Variants in PMPCB observed in about 807,000 individuals in gnomAD.
The protein encoded by PMPCB is peptidase, mitochondrial processing subunit beta, also known as mitochondrial-processing peptidase subunit beta.
A neutral mutation model predicts 61.5 loss-of-function variants in PMPCB; 46 were observed. The observed-to-expected ratio is 0.75, with a 90% CI of 0.59 to 0.96. PMPCB has a LOEUF of 0.96. Ranked by LOEUF, PMPCB falls within the 40% of genes least tolerant of loss-of-function variation. The pLI is 0.00. For synonymous variants in PMPCB, 191 were observed against 201.6 expected, an observed-to-expected ratio of 0.95 and a Z score of 0.44; for missense variants, 590 against 602.4, an observed-to-expected ratio of 0.98 and a Z score of 0.22.
rs1309454279 is a variant in PMPCB at position 103,312,891 on chromosome 7, T to TATC, written c.*622_*624dup. ...CTTAATAGACATAAAATATGAGCTA[T>TATC]ATCACCCAAGCTACAATTTAAAATA... On this transcript the variant is annotated 3_prime_UTR_variant, in exon 13 of 13. Transcript: ENST00000249269. 3.5e-5 allele frequency: 55 copies of TATC among 1,571,568 alleles called. No homozygotes were observed. The highest frequency in any genetic ancestry group is 4.3e-5 in the Non-Finnish European group (50 of 1,164,486).
At chr7:103,327,495 A>G in intron 12 of PMPCB, 1 of 688,870 alleles carries the variant, frequency 1.5e-6, no homozygotes, top group South Asian at 1.7e-5. Context: ...TTGTGTCGTG[A>G]GGCTCTGGGG....
intron 8 of PMPCB, among the ~76,000 whole-genome samples, chr7:103,309,603 A>G (rs1817681785): frequency 6.6e-6 from 1 of 152,224 alleles, no homozygotes; most frequent in South Asian, 2.1e-4. Context: ...TGCAAATATT[A>G]CATATACCAT....
At chr7:103,297,999 G>A in intron 1 of PMPCB, 1 of 1,087,978 alleles carries the variant, frequency 9.2e-7, no homozygotes, top group Non-Finnish European at 1.2e-6. Context: ...GAGAGCCTCT[G>A]ACTTTAAGCA....
chr7:103,343,903 C>T, the PMPCB span, among the ~76,000 whole-genome samples: 1 of 152,152 alleles, frequency 6.6e-6, no homozygotes, highest in Non-Finnish European at 1.5e-5. Flanking sequence ...TCAACAAGCG[C>T]CTATGTGACT....
At chr7:103,326,179 T>C (rs985051604) in intron 12 of PMPCB, among the ~76,000 whole-genome samples, 8 of 152,122 alleles carry the variant, frequency 5.3e-5, no homozygotes, top group East Asian at 1.9e-4. Context: ...GGTTTCACCA[T>C]GTTGGCCAGG....
intron 12 of PMPCB, among the ~76,000 whole-genome samples, chr7:103,323,911 G>C (rs1432275964): frequency 6.6e-6 from 1 of 152,176 alleles, no homozygotes; most frequent in Non-Finnish European, 1.5e-5. Flanking sequence ...GCTTGACCAA[G>C]ACCTATTTTT....
At chr7:103,328,936 A>C (rs1818850696) in exon 13 of PMPCB, 1 of 1,110,180 alleles carries the variant, frequency 9.0e-7, no homozygotes, top group African/African-American at 1.6e-5. Context: ...CTTAGGATAT[A>C]ATCACAGAAG....
the PMPCB span, among the ~76,000 whole-genome samples, chr7:103,338,579 G>A: frequency 1.3e-5 from 2 of 151,830 alleles, no homozygotes; most frequent in African/African-American, 4.8e-5. Context: ...GATTACAGGT[G>A]TGAGCCACTG....
chr7:103,316,032 GTTC>G, downstream of PMPCB: 1 of 1,603,478 alleles, frequency 6.2e-7, no homozygotes, highest in Non-Finnish European at 8.5e-7. Flanking sequence ...ATCTTTGGCA[GTTC>G]TTTTGACTCC....
intron 2 of PMPCB, 34 bp from the exon 3 acceptor site, chr7:103,299,409 T>G (rs1356746128): frequency 7.6e-7 from 1 of 1,324,188 alleles, no homozygotes; most frequent in East Asian, 2.3e-5. Flanking sequence ...ATAAATAAAA[T>G]GAATTTATTT....
chr7:103,336,620 A>G, the PMPCB span: 1 of 152,252 alleles, frequency 6.6e-6, no homozygotes, highest in East Asian at 1.9e-4. Context: ...TGTTGGGATT[A>G]TAGGCGTGAG....
At chr7:103,323,247 T>C (rs1818519935) in intron 12 of PMPCB, among the ~76,000 whole-genome samples, 1 of 152,132 alleles carries the variant, frequency 6.6e-6, no homozygotes, top group African/African-American at 2.4e-5. Flanking sequence ...TGGTTCTATT[T>C]AATATTAATT....
At chr7:103,345,867 G>C in the PMPCB span, among the ~76,000 whole-genome samples, 564 of 151,908 alleles carry the variant, frequency 3.7e-3, 3 homozygotes, top group African/African-American at 0.013. Flanking sequence ...GATCGTTGAG[G>C]CCGGGAGGTG....
chr7:103,324,370 G>C (rs938804298), intron 12 of PMPCB: 5 of 950,868 alleles, frequency 5.3e-6, no homozygotes, highest in Non-Finnish European at 7.3e-6. Context: ...CTTTTGTTCA[G>C]TGAAGGTTCT....
intron 6 of PMPCB, among the ~76,000 whole-genome samples, chr7:103,307,372 C>T (rs932731836): frequency 6.6e-6 from 1 of 152,100 alleles, no homozygotes; most frequent in Non-Finnish European, 1.5e-5. Context: ...ATCCATTGGT[C>T]TGTTGATGAA....
chr7:103,313,208 C>T lies in PMPCB; in HGVS notation c.*937C>T, dbSNP rs1413504044. The T allele has an allele frequency of 6.8e-7, 1 of 1,470,312 alleles. No individual in the cohort carries two copies. Among genetic ancestry groups the T allele is most frequent in the Non-Finnish European group, 9.0e-7 (1 of 1,117,012 alleles). 91.1% of individuals were successfully genotyped at this position (1,470,312 alleles called of 1,614,324 possible). A position where few individuals can be genotyped will look rare whatever the true frequency, so the allele number is the denominator to read the frequency against. On this transcript the variant is annotated 3_prime_UTR_variant, in exon 13 of 13. Transcript: ENST00000249269. ...GTGCCCATTTCAATCTGGGATGTGT[C>T]ATTTTGAAAATAAACTTGTAGAGAT...
rs1186988804 is a variant in PMPCB, at chr7:103,297,844, A to C, written c.99+286A>C. The C allele has an allele frequency of 7.4e-6, 11 of 1,491,210 alleles. No homozygotes were observed. The Admixed American group carries it at 2.0e-4, about 28-fold the overall frequency. The allele number at this position is 1,491,210 out of a possible 1,614,324, so 92.4% of individuals were successfully genotyped here. A position where few individuals can be genotyped will look rare whatever the true frequency, so the allele number is the denominator to read the frequency against. ...TGACCACTAAAAACGTAGTGCTTGC[A>C]AATTGGGGAAAACTAAAAAGTGAAA... On this transcript the variant is annotated intron_variant, in intron 1 of 12. Transcript: ENST00000249269.
chr7:103,335,538 C>CTT, the PMPCB span: 5 of 140,198 alleles, frequency 3.6e-5, no homozygotes, highest in African/African-American at 5.2e-5. Flanking sequence ...TTCTTTCTTT[C>CTT]TTTTTTTTTT....
chr7:103,320,363 G>A (rs1818318143), intron 12 of PMPCB, among the ~76,000 whole-genome samples: 1 of 152,026 alleles, frequency 6.6e-6, no homozygotes, highest in Admixed American at 6.6e-5. Flanking sequence ...GCTGGTTACA[G>A]GTGTGAGCCA....
Sources: allele counts gnomAD v4.1 joint callset (sites outside exome capture counted in the v4.1 genomes callset), GRCh38; gene constraint gnomAD v4.1.1; transcripts MANE v1.5; gene names NCBI Gene and HGNC (gene_info 2026-07-23, HGNC 2026-07-21).